The following TENM4 variants were observed in gnomAD, a reference collection of about 807,000 sequenced individuals.
TENM4 encodes the protein teneurin transmembrane protein 4.
In TENM4, 82 loss-of-function variants were observed where a neutral mutation model predicts 243.3. That is an observed-to-expected ratio of 0.34 (90% confidence interval 0.28 to 0.40). TENM4 has a LOEUF of 0.40. TENM4 is among the 10% of genes least tolerant of loss of function. The pLI is 1.00. For synonymous variants in TENM4, 1,412 were observed against 1,456.3 expected, an observed-to-expected ratio of 0.97 and a Z score of 0.69; for missense variants, 3,138 against 3,673.3, an observed-to-expected ratio of 0.85 and a Z score of 3.77.
chr11:79,057,885 C>T (rs1404645223), intron 6 of TENM4, among the ~76,000 whole-genome samples: 4 of 152,314 alleles, frequency 2.6e-5, no homozygotes, highest in Admixed American at 2.0e-4. Context: ...ATAGAATGTC[C>T]CCTCTTACCC....
At chr11:79,107,898 C>T (rs1861412310) in intron 4 of TENM4, among the ~76,000 whole-genome samples, 1 of 152,246 alleles carries the variant, frequency 6.6e-6, no homozygotes, top group African/African-American at 2.4e-5. Flanking sequence ...GCCACACAGC[C>T]AGCTAAGTGA....
chr11:79,263,512 T>A (rs1565274463), intron 2 of TENM4, among the ~76,000 whole-genome samples: 1 of 152,232 alleles, frequency 6.6e-6, no homozygotes, highest in Non-Finnish European at 1.5e-5. Context: ...ACTCTAGTTT[T>A]TCCAGAAACA....
At chr11:78,730,491 C>A (rs1005282669) in intron 21 of TENM4, among the ~76,000 whole-genome samples, 2 of 152,140 alleles carry the variant, frequency 1.3e-5, no homozygotes, top group Non-Finnish European at 2.9e-5. Context: ...CCACTCTGGG[C>A]CCCAGCTCCA....
intron 3 of TENM4, among the ~76,000 whole-genome samples, chr11:79,156,597 C>G (rs1043380033): frequency 9.2e-5 from 14 of 152,120 alleles, no homozygotes; most frequent in Non-Finnish European, 1.8e-4. Flanking sequence ...GAAAGCCTTC[C>G]TCACCCTCTG....
intron 6 of TENM4, among the ~76,000 whole-genome samples, chr11:78,935,663 G>T (rs917560505): frequency 1.3e-5 from 2 of 152,166 alleles, no homozygotes; most frequent in Admixed American, 6.5e-5. Context: ...ACACATTTAA[G>T]AAAGTTCAAA....
At chr11:78,914,889 T>C (rs1163418174) in intron 6 of TENM4, among the ~76,000 whole-genome samples, 1 of 152,240 alleles carries the variant, frequency 6.6e-6, no homozygotes, top group East Asian at 1.9e-4. Flanking sequence ...ATAGTGAACA[T>C]TGGTGCCCCA....
At chr11:78,908,166 A>G (rs55756909) in intron 6 of TENM4, among the ~76,000 whole-genome samples, 1 of 152,218 alleles carries the variant, frequency 6.6e-6, no homozygotes, top group African/African-American at 2.4e-5. Context: ...GCCGTATGTA[A>G]GAGAAAGAGA....
At chr11:78,695,565 G>A (rs1421226781) in intron 28 of TENM4, among the ~76,000 whole-genome samples, 1 of 152,064 alleles carries the variant, frequency 6.6e-6, no homozygotes, top group African/African-American at 2.4e-5. Flanking sequence ...GTTTCACCAT[G>A]TTGGCCAGGC....
At chr11:79,306,512 G>A (rs1226010790) in intron 1 of TENM4, among the ~76,000 whole-genome samples, 1 of 152,150 alleles carries the variant, frequency 6.6e-6, no homozygotes, top group East Asian at 1.9e-4. Context: ...GGTGAGAGAA[G>A]ACCAGGGCAA....
chr11:78,798,014 G>C (rs920903376), intron 15 of TENM4, among the ~76,000 whole-genome samples: 1 of 152,208 alleles, frequency 6.6e-6, no homozygotes, highest in Non-Finnish European at 1.5e-5. Context: ...CTACACAAAT[G>C]AGACTTGTAA....
chr11:78,677,957 T>C (rs1247372869), intron 29 of TENM4, among the ~76,000 whole-genome samples: 2 of 112,602 alleles, frequency 1.8e-5, no homozygotes, highest in African/African-American at 6.9e-5. Flanking sequence ...CAGAGTGTGA[T>C]ATTCCCCTTC....
intron 12 of TENM4, among the ~76,000 whole-genome samples, chr11:78,850,492 C>A (rs1377771496): frequency 6.6e-6 from 1 of 152,128 alleles, no homozygotes. Context: ...AATTAACCTG[C>A]CAAGACAAAT....
At chr11:79,046,680 A>T (rs923752553) in intron 6 of TENM4, among the ~76,000 whole-genome samples, 1 of 152,198 alleles carries the variant, frequency 6.6e-6, no homozygotes, top group African/African-American at 2.4e-5. Context: ...GGAGTGATGC[A>T]GCTGCAAGCC....
intron 3 of TENM4, among the ~76,000 whole-genome samples, chr11:79,199,024 A>G (rs1863690040): frequency 6.6e-6 from 1 of 152,174 alleles, no homozygotes; most frequent in African/African-American, 2.4e-5. Context: ...GCTGCAAGTT[A>G]GCAGAACTGG....
chr11:78,940,213 A>T (rs1396254250), intron 6 of TENM4, among the ~76,000 whole-genome samples: 6 of 152,224 alleles, frequency 3.9e-5, no homozygotes, highest in African/African-American at 1.4e-4. Context: ...ACATTATACT[A>T]TGAGAATTTT....
chr11:79,047,349 T>C (rs1859682298), intron 6 of TENM4, among the ~76,000 whole-genome samples: 1 of 152,176 alleles, frequency 6.6e-6, no homozygotes, highest in African/African-American at 2.4e-5. Flanking sequence ...ATGAAGACAC[T>C]GTTGTGGTGG....
At chr11:78,966,696 G>C (rs1857444666) in intron 6 of TENM4, among the ~76,000 whole-genome samples, 1 of 152,176 alleles carries the variant, frequency 6.6e-6, no homozygotes, top group African/African-American at 2.4e-5. Context: ...AGGAGCATTA[G>C]TATCTGCGGC....
At chr11:78,981,220 T>A (rs1399143178) in intron 6 of TENM4, among the ~76,000 whole-genome samples, 1 of 152,136 alleles carries the variant, frequency 6.6e-6, no homozygotes, top group East Asian at 1.9e-4. Context: ...TGCATTCAAG[T>A]GTCATCTATT....
At chr11:78,755,412 G>A (rs2135950504) in intron 19 of TENM4, among the ~76,000 whole-genome samples, 1 of 152,156 alleles carries the variant, frequency 6.6e-6, no homozygotes, top group Non-Finnish European at 1.5e-5. Flanking sequence ...CAAGTGATCT[G>A]CCCGCCTGAG....
Sources: gnomAD v4.1 joint callset for allele counts (sites outside exome capture counted in the v4.1 genomes callset) on GRCh38, gnomAD v4.1.1 for gene constraint, MANE v1.5 for transcripts, NCBI Gene and HGNC (gene_info 2026-07-23, HGNC 2026-07-21) for gene names.